The following CCBE1 variants were observed in gnomAD, a reference collection of about 807,000 sequenced individuals.
The protein encoded by CCBE1 is collagen and calcium binding EGF domains 1.
A neutral mutation model predicts 50.0 loss-of-function variants in CCBE1; 37 were observed. The ratio of observed to expected loss-of-function variants is 0.74; its 90% CI spans 0.57 to 0.97. The LOEUF (loss-of-function observed/expected upper bound fraction) is 0.97. Among genes scored for constraint, CCBE1 ranks in the 50% least tolerant of loss-of-function variants. The pLI is 0.00. For missense variants in CCBE1, 538 were observed against 523.8 expected (o/e 1.03, Z -0.26); for synonymous variants, 234 against 203.7 (o/e 1.15, Z -1.27).
At chr18:59,583,369 C>A (rs2053115397) in intron 2 of CCBE1, among the ~76,000 whole-genome samples, 1 of 152,154 alleles carries the variant, frequency 6.6e-6, no homozygotes, top group Non-Finnish European at 1.5e-5. Flanking sequence ...AGGCACTTCC[C>A]CAGCTGTCCA....
chr18:59,555,391 C>T (rs1265790404), intron 2 of CCBE1, among the ~76,000 whole-genome samples: 2 of 152,152 alleles, frequency 1.3e-5, no homozygotes, highest in African/African-American at 4.8e-5. Flanking sequence ...GCTGTCTCTT[C>T]CAGTTGTGTT....
At chr18:59,662,080 C>A (rs550747927) in intron 2 of CCBE1, among the ~76,000 whole-genome samples, 1 of 152,300 alleles carries the variant, frequency 6.6e-6, no homozygotes, top group East Asian at 1.9e-4. Flanking sequence ...CACATCACAG[C>A]CTTCTTGCAT....
At chr18:59,616,698 A>AG (rs1336179365) in intron 2 of CCBE1, among the ~76,000 whole-genome samples, 1 of 152,220 alleles carries the variant, frequency 6.6e-6, no homozygotes, top group Non-Finnish European at 1.5e-5. Context: ...TTAAGGTTGG[A>AG]GGGGTGCCAG....
intron 2 of CCBE1, among the ~76,000 whole-genome samples, chr18:59,620,467 A>G (rs2053697660): frequency 6.6e-6 from 1 of 152,146 alleles, no homozygotes; most frequent in South Asian, 2.1e-4. Context: ...CCTACATGAG[A>G]TTGTTTATCC....
At chr18:59,536,778 A>AGGAGATGGAGACCATCCTGGC (rs1262423167) in intron 2 of CCBE1, among the ~76,000 whole-genome samples, 3 of 152,156 alleles carry the variant, frequency 2.0e-5, no homozygotes, top group Admixed American at 1.3e-4. Context: ...TCACGAGGGT[A>AGGAGATGGAGACCATCCTGGC]GGAGATGGAG....
chr18:59,600,073 G>GA (rs764057400), intron 2 of CCBE1, among the ~76,000 whole-genome samples: 9 of 152,108 alleles, frequency 5.9e-5, no homozygotes, highest in African/African-American at 9.7e-5. Context: ...GTGTATGTCA[G>GA]AAAAAATATT....
chr18:59,608,028 T>C (rs572164918), intron 2 of CCBE1, among the ~76,000 whole-genome samples: 3 of 152,260 alleles, frequency 2.0e-5, no homozygotes, highest in South Asian at 2.1e-4. Context: ...TGAGCCGATA[T>C]TGCGCCACTG....
chr18:59,684,804 C>T (rs1599135722), intron 2 of CCBE1, among the ~76,000 whole-genome samples: 1 of 152,170 alleles, frequency 6.6e-6, no homozygotes, highest in Non-Finnish European at 1.5e-5. Flanking sequence ...TGAGTTATAA[C>T]TATCTGGTCA....
intron 2 of CCBE1, among the ~76,000 whole-genome samples, chr18:59,526,712 T>G (rs749440018): frequency 7.2e-5 from 11 of 152,202 alleles, no homozygotes; most frequent in Non-Finnish European, 1.5e-4. Flanking sequence ...TGTTGTCTGT[T>G]TGTTCTCATT....
intron 2 of CCBE1, among the ~76,000 whole-genome samples, chr18:59,687,063 G>A (rs1441825283): frequency 6.6e-6 from 1 of 152,128 alleles, no homozygotes; most frequent in Non-Finnish European, 1.5e-5. Context: ...GCTCTACCAT[G>A]CAATTTCACA....
intron 2 of CCBE1, among the ~76,000 whole-genome samples, chr18:59,635,587 T>C (rs983293601): frequency 2.0e-5 from 3 of 152,112 alleles, no homozygotes; most frequent in African/African-American, 7.2e-5. Context: ...AGCTAAAATA[T>C]TCTAATAAAA....
At chr18:59,439,087 C>T (rs925195325) in intron 9 of CCBE1, among the ~76,000 whole-genome samples, 1 of 152,002 alleles carries the variant, frequency 6.6e-6, no homozygotes, top group African/African-American at 2.4e-5. Flanking sequence ...GAGATGGAGA[C>T]CATCCTGGCT....
intron 2 of CCBE1, among the ~76,000 whole-genome samples, chr18:59,583,251 C>A (rs564328219): frequency 3.4e-4 from 48 of 139,482 alleles, no homozygotes; most frequent in African/African-American, 1.1e-3. Context: ...ATTGTAAGCC[C>A]ACAGAAAAAA....
intron 2 of CCBE1, among the ~76,000 whole-genome samples, chr18:59,520,793 T>C (rs748679360): frequency 3.9e-5 from 6 of 152,258 alleles, no homozygotes; most frequent in African/African-American, 4.8e-5. Flanking sequence ...AAAATGAGCA[T>C]TGTTTTCTTC....
chr18:59,589,999 C>T lies in CCBE1; in HGVS notation c.212+106630G>A, dbSNP rs190089426. The stretch of plus-strand genomic sequence containing the variant: ...AGCACCCATTCTTGATTAAAAGACA[C>T]ACACCGACAAAACAGAAATTGATGG... On this transcript the variant is annotated intron_variant, in intron 2 of 10. Transcript: ENST00000439986. Among the ~76,000 whole-genome samples, 58 of 152,198 alleles carry T rather than the reference C, an allele frequency of 3.8e-4. 1 individual carries two copies. In the East Asian group the frequency reaches 4.6e-3, roughly 12 times the overall value.
At chr18:59,580,949 A>T (rs1460527508) in intron 2 of CCBE1, among the ~76,000 whole-genome samples, 1 of 152,106 alleles carries the variant, frequency 6.6e-6, no homozygotes, top group African/African-American at 2.4e-5. Context: ...TCTCCCGTGG[A>T]TGAGGAGAGG....
intron 2 of CCBE1, among the ~76,000 whole-genome samples, chr18:59,544,229 G>T (rs1915596798): frequency 6.6e-6 from 1 of 152,218 alleles, no homozygotes; most frequent in Non-Finnish European, 1.5e-5. Flanking sequence ...CCAGAAAGGA[G>T]AGCTGATTTA....
intron 2 of CCBE1, among the ~76,000 whole-genome samples, chr18:59,671,823 G>GA (rs1414022152): frequency 1.4e-5 from 2 of 146,670 alleles, no homozygotes; most frequent in African/African-American, 2.7e-5. Flanking sequence ...AAAAAAAAAG[G>GA]GGGGGGGTAG....
chr18:59,453,417 GTTT>G (rs1455556586), intron 6 of CCBE1, among the ~76,000 whole-genome samples: 1 of 152,174 alleles, frequency 6.6e-6, no homozygotes, highest in African/African-American at 2.4e-5. Context: ...GATAGACAAG[GTTT>G]TCTGCCTAGT....
Sources: gnomAD v4.1 joint callset for allele counts (sites outside exome capture counted in the v4.1 genomes callset) on GRCh38, gnomAD v4.1.1 for gene constraint, MANE v1.5 for transcripts, NCBI Gene and HGNC (gene_info 2026-07-23, HGNC 2026-07-21) for gene names.